PM20D2: variants seen among roughly 807,000 people sequenced by gnomAD.
PM20D2 encodes the protein xaa-Arg dipeptidase.
In PM20D2, 33 loss-of-function variants were observed where a neutral mutation model predicts 42.9. The ratio of observed to expected loss-of-function variants is 0.77; its 90% CI spans 0.58 to 1.03. PM20D2 has a LOEUF of 1.03. PM20D2 is among the 50% of genes least tolerant of loss of function. PM20D2 has a pLI of 0.00. For synonymous variants in PM20D2, 250 were observed against 228.2 expected (o/e 1.10, Z -0.86); for missense variants, 548 against 557.0 (o/e 0.98, Z 0.16).
At chr6:89,104,996 C>T in the PM20D2 span, 1 of 952,796 alleles carries the variant, frequency 1.0e-6, no homozygotes, top group Non-Finnish European at 1.5e-6. Flanking sequence ...GTCAAGTCTA[C>T]AGTGGGCCAT....
At chr6:89,103,749 T>C in the PM20D2 span, among the ~76,000 whole-genome samples, 112,121 of 152,026 alleles carry the variant, frequency 0.74, 41,428 homozygotes, top group East Asian at 0.84. Context: ...CGTGAGCCAC[T>C]GCACCTGGTC....
upstream of PM20D2, among the ~76,000 whole-genome samples, chr6:89,143,805 C>T (rs757214525): frequency 1.3e-5 from 2 of 152,124 alleles, no homozygotes; most frequent in African/African-American, 2.4e-5. Flanking sequence ...TTCTTCCTGC[C>T]CCCAGCTCCA....
chr6:89,142,514 A>G (rs1369808474), upstream of PM20D2, among the ~76,000 whole-genome samples: 1 of 152,216 alleles, frequency 6.6e-6, no homozygotes, highest in Non-Finnish European at 1.5e-5. Flanking sequence ...AACTGAAACG[A>G]TGTAGGCTGG....
At chr6:89,139,009 T>G in the PM20D2 span, among the ~76,000 whole-genome samples, 1 of 152,232 alleles carries the variant, frequency 6.6e-6, no homozygotes, top group Non-Finnish European at 1.5e-5. Context: ...ATAGCAATGA[T>G]GAAATTTTTG....
At chr6:89,098,455 C>T in the PM20D2 span, 56 of 1,232,626 alleles carry the variant, frequency 4.5e-5, no homozygotes, top group African/African-American at 8.0e-4. Context: ...TTTATTTCTT[C>T]CATATGCCCA....
chr6:89,122,138 A>G, the PM20D2 span, among the ~76,000 whole-genome samples: 3 of 152,242 alleles, frequency 2.0e-5, no homozygotes, highest in Non-Finnish European at 2.9e-5. Context: ...TGCTGATATG[A>G]CAATAACTTA....
intron 1 of PM20D2, among the ~76,000 whole-genome samples, chr6:89,147,320 C>T (rs775964961): frequency 1.3e-5 from 2 of 152,166 alleles, no homozygotes; most frequent in Non-Finnish European, 2.9e-5. Context: ...ATATTCTACA[C>T]TATGAGCTAA....
At chr6:89,143,325 T>A (rs1770402790), upstream of PM20D2, among the ~76,000 whole-genome samples, 2 of 152,196 alleles carry the variant, frequency 1.3e-5, no homozygotes, top group Admixed American at 1.3e-4. Flanking sequence ...TTTGATCTAC[T>A]CTTTCCACCA....
chr6:89,117,321 G>A, the PM20D2 span, among the ~76,000 whole-genome samples: 17 of 152,218 alleles, frequency 1.1e-4, no homozygotes, highest in Admixed American at 4.6e-4. Flanking sequence ...AAGTAGACCA[G>A]AACTGGGGGA....
chr6:89,115,080 G>A, the PM20D2 span, among the ~76,000 whole-genome samples: 44 of 151,792 alleles, frequency 2.9e-4, no homozygotes, highest in African/African-American at 1.0e-3. Context: ...ATAGGCGTGA[G>A]CCACCACGCC....
intron 5 of PM20D2, among the ~76,000 whole-genome samples, chr6:89,161,380 C>T (rs956263013): frequency 6.6e-6 from 1 of 152,114 alleles, no homozygotes; most frequent in African/African-American, 2.4e-5. Context: ...AATGGAGTCT[C>T]CCGTAACTAT....
At chr6:89,126,861 G>T in the PM20D2 span, among the ~76,000 whole-genome samples, 1 of 151,998 alleles carries the variant, frequency 6.6e-6, no homozygotes, top group East Asian at 1.9e-4. Context: ...TGTACACAAT[G>T]AACCTAAAAT....
the PM20D2 span, among the ~76,000 whole-genome samples, chr6:89,131,165 C>T: frequency 6.6e-6 from 1 of 152,082 alleles, no homozygotes; most frequent in African/African-American, 2.4e-5. Flanking sequence ...TATAAAACCA[C>T]TAATCCCACT....
the PM20D2 span, chr6:89,105,296 G>C: frequency 6.3e-7 from 1 of 1,583,446 alleles, no homozygotes; most frequent in South Asian, 1.1e-5. Context: ...GACATAATTC[G>C]TTACCTGAAC....
intron 4 of PM20D2, 94 bp downstream of exon 4, chr6:89,154,996 G>T: frequency 1.7e-6 from 2 of 1,146,188 alleles, no homozygotes; most frequent in South Asian, 2.4e-5. Context: ...TCTCTTATTT[G>T]GTGACATGTT....
At chr6:89,099,041 T>C in the PM20D2 span, 15 of 1,386,746 alleles carry the variant, frequency 1.1e-5, no homozygotes, top group East Asian at 3.6e-4. Context: ...TACATAACAT[T>C]AGTTATATTT....
Position 89,146,210 on chromosome 6 carries a change from A to T in PM20D2, c.66A>T (p.Leu22=), listed in dbSNP as rs1582328061. 1.9e-6 allele frequency: 3 copies of T among 1,568,022 alleles called. No homozygotes were observed. In the South Asian group the frequency reaches 3.4e-5, roughly 18 times the overall value. Residue 22 remains leucine, a synonymous_variant, in exon 1 of 7, where the codon CTA becomes CTT. Transcript: ENST00000275072. ...GACNGRSELE[L]LKLRSAECID... The stretch of plus-strand genomic sequence containing the variant: ...GCAATGGCCGCTCCGAGCTGGAGCT[A>T]CTGAAGCTGCGCTCGGCGGAGTGCA...
the PM20D2 span, among the ~76,000 whole-genome samples, chr6:89,125,635 T>C: frequency 2.6e-5 from 4 of 151,392 alleles, no homozygotes; most frequent in African/African-American, 9.7e-5. Flanking sequence ...ACAAAAAAAT[T>C]AGCCGGGCGT....
intron 5 of PM20D2, among the ~76,000 whole-genome samples, chr6:89,160,997 A>AG (rs1361734544): frequency 1.3e-5 from 2 of 152,126 alleles, no homozygotes; most frequent in African/African-American, 4.8e-5. Flanking sequence ...GAAAAAAAAA[A>AG]GACGGCAAAT....
Sources: allele counts gnomAD v4.1 joint callset (sites outside exome capture counted in the v4.1 genomes callset), GRCh38; gene constraint gnomAD v4.1.1; transcripts MANE v1.5; gene names NCBI Gene and HGNC (gene_info 2026-07-23, HGNC 2026-07-21).